The following AFG1L variants were observed in gnomAD, a reference collection of about 807,000 sequenced individuals.
The protein encoded by AFG1L is AFG1 like ATPase.
AFG1L carries 53 observed loss-of-function variants against 62.2 expected under a neutral mutation model. The ratio of observed to expected loss-of-function variants is 0.85; its 90% CI spans 0.68 to 1.07. The LOEUF is 1.07. Ranked by LOEUF, AFG1L falls within the 50% of genes least tolerant of loss-of-function variation. The pLI is 0.00. For missense variants in AFG1L, 555 were observed against 590.5 expected (o/e 0.94, Z 0.62); for synonymous variants, 228 against 210.3 (o/e 1.08, Z -0.73).
chr6:108,363,851 A>T (rs981255269), intron 5 of AFG1L, among the ~76,000 whole-genome samples: 4 of 152,126 alleles, frequency 2.6e-5, no homozygotes, highest in African/African-American at 9.7e-5. Flanking sequence ...ATAGGTGCTT[A>T]TTTTTGTGCT....
chr6:108,330,279 G>A (rs375270534), intron 2 of AFG1L, among the ~76,000 whole-genome samples: 2 of 150,398 alleles, frequency 1.3e-5, no homozygotes, highest in South Asian at 2.1e-4. Context: ...GGGTTCAAGC[G>A]ATTCTCTTGC....
chr6:108,499,280 G>T (rs544715677), intron 10 of AFG1L, among the ~76,000 whole-genome samples: 3 of 151,360 alleles, frequency 2.0e-5, no homozygotes, highest in Non-Finnish European at 4.4e-5. Flanking sequence ...TGTTACCCAG[G>T]CTGGTCTCAA....
chr6:108,354,312 G>GT (rs903231183), intron 3 of AFG1L, among the ~76,000 whole-genome samples: 9 of 149,930 alleles, frequency 6.0e-5, no homozygotes, highest in Admixed American at 2.0e-4. Flanking sequence ...TTTTTTTTTT[G>GT]TTTTTTTGTT....
At chr6:108,338,688 C>T (rs1426549069) in intron 2 of AFG1L, among the ~76,000 whole-genome samples, 18 of 152,076 alleles carry the variant, frequency 1.2e-4, no homozygotes, top group Non-Finnish European at 7.4e-5. Context: ...AACTTGAACA[C>T]GTGGCTTCTT....
At chr6:108,395,528 A>G (rs1781257205) in intron 6 of AFG1L, among the ~76,000 whole-genome samples, 1 of 149,516 alleles carries the variant, frequency 6.7e-6, no homozygotes, top group Non-Finnish European at 1.5e-5. Flanking sequence ...CATCTTCCTG[A>G]GTAGCTGAAG....
intron 10 of AFG1L, among the ~76,000 whole-genome samples, chr6:108,488,955 A>G (rs929507213): frequency 5.3e-5 from 8 of 152,186 alleles, no homozygotes; most frequent in African/African-American, 1.9e-4. Flanking sequence ...AGTAGCTCCT[A>G]TTTGATCAAA....
At chr6:108,491,058 T>C (rs546987192) in intron 10 of AFG1L, among the ~76,000 whole-genome samples, 7 of 152,352 alleles carry the variant, frequency 4.6e-5, no homozygotes, top group African/African-American at 1.4e-4. Context: ...TTATGTCTTA[T>C]CTGATTCCAA....
chr6:108,409,387 A>G (rs1289337016), intron 7 of AFG1L, among the ~76,000 whole-genome samples: 1 of 152,186 alleles, frequency 6.6e-6, no homozygotes, highest in Non-Finnish European at 1.5e-5. Context: ...TGGATTGAAC[A>G]TGGGTCCTAT....
chr6:108,392,898 A>G (rs1781121848), intron 6 of AFG1L, among the ~76,000 whole-genome samples: 1 of 152,100 alleles, frequency 6.6e-6, no homozygotes, highest in African/African-American at 2.4e-5. Flanking sequence ...TTGGTTTGAC[A>G]CTTGGATTTT....
At chr6:108,446,051 T>TACACACACACACACACAC (rs67384163) in intron 7 of AFG1L, among the ~76,000 whole-genome samples, 2 of 141,794 alleles carry the variant, frequency 1.4e-5, no homozygotes, top group African/African-American at 5.3e-5. Context: ...TATGTAGAGA[T>TACACACACACACACACAC]ACACACACAC....
At chr6:108,391,491 GC>G (rs137884294) in intron 6 of AFG1L, among the ~76,000 whole-genome samples, 6,915 of 151,750 alleles carry the variant, frequency 0.046, 512 homozygotes, top group African/African-American at 0.16. Flanking sequence ...TTTTTTTCTT[GC>G]CAACTTGTTT....
chr6:108,485,700 T>G (rs1316786611), intron 10 of AFG1L, among the ~76,000 whole-genome samples: 2 of 118,158 alleles, frequency 1.7e-5, no homozygotes, highest in Non-Finnish European at 3.4e-5. Context: ...AGAGAGGGTC[T>G]TGTTCTTTTG....
intron 6 of AFG1L, among the ~76,000 whole-genome samples, chr6:108,366,971 G>T (rs2114500923): frequency 6.6e-6 from 1 of 152,166 alleles, no homozygotes; most frequent in South Asian, 2.1e-4. Context: ...GCATGGCTAA[G>T]CCCTCACCTC....
In AFG1L at chr6:108,524,106, C is replaced by G. The variant is rs1208062664; in HGVS notation, c.*1681C>G. 6.6e-6 allele frequency: 1 copy of G among 152,100 alleles called. No homozygotes were observed. Among genetic ancestry groups the G allele is most frequent in the Non-Finnish European group, 1.5e-5 (1 of 68,014 alleles). The allele number at this position is 152,100 out of a possible 1,614,324, so 9.4% of individuals were successfully genotyped here. A position where few individuals can be genotyped will look rare whatever the true frequency, so the allele number is the denominator to read the frequency against. ...TATACTATATTTTATAACACACTGT[C>G]TCTTACTCTTACTATTTAAAAAAAA... is the stretch of plus-strand genomic sequence containing the variant. On this transcript the variant is annotated 3_prime_UTR_variant, in exon 13 of 13. Coordinates refer to ENST00000368977, the MANE Select transcript of AFG1L (RefSeq NM_145315.5).
intron 2 of AFG1L, among the ~76,000 whole-genome samples, chr6:108,326,685 C>T (rs562227110): frequency 3.2e-4 from 49 of 152,204 alleles, no homozygotes; most frequent in Non-Finnish European, 5.3e-4. Context: ...AGGGGCCAGA[C>T]GCAGTGGCTC....
At chr6:108,438,651 A>G (rs1771412251) in intron 7 of AFG1L, among the ~76,000 whole-genome samples, 1 of 152,188 alleles carries the variant, frequency 6.6e-6, no homozygotes, top group South Asian at 2.1e-4. Context: ...TGAGGAAGAT[A>G]AGAGATAAAG....
chr6:108,309,853 T>G (rs899252678), intron 1 of AFG1L, among the ~76,000 whole-genome samples: 1 of 152,242 alleles, frequency 6.6e-6, no homozygotes, highest in Admixed American at 6.5e-5. Flanking sequence ...ATTACAATTC[T>G]TGATGTCAAC....
At chr6:108,438,737 T>C (rs1771416229) in intron 7 of AFG1L, among the ~76,000 whole-genome samples, 1 of 152,138 alleles carries the variant, frequency 6.6e-6, no homozygotes, top group Non-Finnish European at 1.5e-5. Flanking sequence ...TTCCCGCTTT[T>C]TGGAAGGAGA....
chr6:108,310,957 G>A (rs1185024896), intron 1 of AFG1L, among the ~76,000 whole-genome samples: 1 of 152,044 alleles, frequency 6.6e-6, no homozygotes, highest in African/African-American at 2.4e-5. Context: ...TTTCCAACTG[G>A]TTATCTATGG....
Sources: allele counts gnomAD v4.1 joint callset (sites outside exome capture counted in the v4.1 genomes callset), GRCh38; gene constraint gnomAD v4.1.1; transcripts MANE v1.5; gene names NCBI Gene and HGNC (gene_info 2026-07-23, HGNC 2026-07-21).